ERCC6: variants seen among roughly 807,000 people sequenced by gnomAD.
ERCC6 encodes the protein ERCC excision repair 6, chromatin remodeling factor.
ERCC6 carries 116 observed loss-of-function variants against 158.7 expected under a neutral mutation model. The observed-to-expected ratio is 0.73, with a 90% CI of 0.63 to 0.85. The LOEUF (loss-of-function observed/expected upper bound fraction) is 0.85, where lower values mean the gene tolerates loss of function less well. Among genes scored for constraint, ERCC6 ranks in the 40% least tolerant of loss-of-function variants. The probability of loss-of-function intolerance (pLI) is 0.00; values close to 1 mark genes in which losing one functional copy is unlikely to be tolerated. For synonymous variants in ERCC6, 678 were observed against 659.3 expected (o/e 1.03, Z -0.43); for missense variants, 1,698 against 1,799.4 (o/e 0.94, Z 1.02).
chr10:49,494,694 C>T (rs1253210873), intron 7 of ERCC6, among the ~76,000 whole-genome samples: 2 of 152,198 alleles, frequency 1.3e-5, no homozygotes, highest in Non-Finnish European at 2.9e-5. Flanking sequence ...GTCCATGAAG[C>T]TGGCCTGGCA....
rs186668269 is a variant in ERCC6, at chr10:49,517,177, C to T, written c.1397+6856G>A. 1.1e-4 allele frequency: 169 copies of T among 1,501,684 alleles called. 1 individual carries two copies. In the African/African-American group the frequency reaches 1.9e-3, roughly 17 times the overall value. The allele number at this position is 1,501,684 out of a possible 1,614,324, so 93.0% of individuals were successfully genotyped here. On this transcript the variant is annotated intron_variant, in intron 5 of 20. Transcript: ENST00000355832. The stretch of plus-strand genomic sequence containing the variant: ...AGTGGTAGTGGTTTTGCCTAGTGTT[C>T]CAAAAATGGAACATGAAAAATGTCA...
At chr10:49,524,008 G>GT (rs1564441879) in intron 5 of ERCC6, 25 bp downstream of exon 5, 1 of 1,611,074 alleles carries the variant, frequency 6.2e-7, no homozygotes, top group Non-Finnish European at 8.5e-7. Flanking sequence ...ACAGTACAAT[G>GT]TATTTATAAT....
rs112059539 is a variant in ERCC6 at position 49,458,550 on chromosome 10, T to C, written c.*265A>G. The C allele has an allele frequency of 8.4e-4, 374 of 446,070 alleles. 1 individual carries two copies. Among genetic ancestry groups the C allele is most frequent in the African/African-American group, 6.6e-3 (332 of 50,418 alleles). 27.6% of individuals were successfully genotyped at this position (446,070 alleles called of 1,614,324 possible). A position where few individuals can be genotyped will look rare whatever the true frequency, so the allele number is the denominator to read the frequency against. ...CAAATGTGCTCCAAGGAGTAACTGT[T>C]AGGTACCTGATTTACAATATAATTA... On this transcript the variant is annotated 3_prime_UTR_variant, in exon 21 of 21. Transcript: ENST00000355832.
At chr10:49,451,457 C>T (rs183820189), downstream of ERCC6, among the ~76,000 whole-genome samples, 685 of 152,098 alleles carry the variant, frequency 4.5e-3, 3 homozygotes, top group African/African-American at 0.016. Flanking sequence ...AGTTTCCTTC[C>T]GTTCCTCGTT....
intron 8 of ERCC6, among the ~76,000 whole-genome samples, chr10:49,491,641 G>A (rs2132562747): frequency 6.6e-6 from 1 of 152,358 alleles, no homozygotes; most frequent in Non-Finnish European, 1.5e-5. Flanking sequence ...GTCCATGTAT[G>A]TGGTTTACAC....
intron 8 of ERCC6, 61 bp downstream of exon 8, chr10:49,493,056 C>A: frequency 1.9e-6 from 3 of 1,577,962 alleles, no homozygotes; most frequent in Non-Finnish European, 1.7e-6. Flanking sequence ...CAGAGAAAAA[C>A]CAAATATGTA....
intron 5 of ERCC6, chr10:49,515,860 C>T (rs757725557): frequency 1.2e-6 from 2 of 1,614,186 alleles, no homozygotes; most frequent in South Asian, 2.2e-5. Flanking sequence ...GCAACAGTGA[C>T]AACACTGTTA....
rs1340259001 is a variant in ERCC6, at chr10:49,515,637, A to C, written c.1397+8396T>G. 1.9e-6 allele frequency: 3 copies of C among 1,614,134 alleles called. No individual in the cohort carries two copies. In the South Asian group the frequency reaches 3.3e-5, roughly 18 times the overall value. ...CAATTGCCAAGCATTTTGTAAGACC[A>C]GTTCGAAACAGAACAAAAGAGGGCT... On this transcript the variant is annotated intron_variant, in intron 5 of 20. Coordinates refer to ENST00000355832, the MANE Select transcript of ERCC6 (RefSeq NM_000124.4).
intron 5 of ERCC6, among the ~76,000 whole-genome samples, chr10:49,506,890 C>G (rs549361892): frequency 3.3e-5 from 5 of 151,410 alleles, no homozygotes; most frequent in African/African-American, 9.7e-5. Flanking sequence ...AACTGATGCT[C>G]TGAATTTCAC....
intron 3 of ERCC6, among the ~76,000 whole-genome samples, chr10:49,530,254 T>A (rs907030597): frequency 6.6e-6 from 1 of 152,174 alleles, no homozygotes; most frequent in Admixed American, 6.5e-5. Context: ...ACACAGATGG[T>A]CTCCAACTTA....
At chr10:49,441,894 G>A in the ERCC6 span, among the ~76,000 whole-genome samples, 3 of 152,216 alleles carry the variant, frequency 2.0e-5, no homozygotes, top group Admixed American at 6.5e-5. Flanking sequence ...ACAAAAGCAG[G>A]CGGGAGAAAG....
At chr10:49,488,070 G>C (rs531329516) in intron 8 of ERCC6, 1 of 161,578 alleles carries the variant, frequency 6.2e-6, no homozygotes, top group South Asian at 1.9e-4. Flanking sequence ...AATCATCTCG[G>C]GCGGTTTCAA....
intron 7 of ERCC6, among the ~76,000 whole-genome samples, chr10:49,497,128 G>A (rs1042234882): frequency 3.3e-5 from 5 of 152,202 alleles, no homozygotes; most frequent in Non-Finnish European, 7.3e-5. Context: ...TCTTCCTACA[G>A]AGTTTCTAAG....
intron 20 of ERCC6, 159 bp downstream of exon 20, chr10:49,460,214 C>G: frequency 1.5e-6 from 1 of 674,552 alleles, no homozygotes; most frequent in South Asian, 1.6e-5. Context: ...CTTTTAGATT[C>G]AAGTGAATGT....
rs1404428020 is a variant in ERCC6, at chr10:49,500,686, T to C, written c.1537A>G (p.Thr513Ala). 1.2e-6 allele frequency: 2 copies of C among 1,613,658 alleles called. No individual in the cohort carries two copies. The highest frequency in any genetic ancestry group is 4.5e-5 in the East Asian group (2 of 44,888). ...LFKKLFKYQQ[T>A]GVRWLWELHC... is the part of the protein sequence containing the mutation. ...AATTCCCACAGCCACCTAACACCTG[T>C]CTGCTGGTACCTATGACAACAAACA... Residue 513 changes from threonine (T) to alanine (A), a missense_variant, in exon 7 of 21, where the codon ACA becomes GCA. By Grantham distance (58) the Thr-to-Ala change is moderately conservative. Transcript: ENST00000355832.
In ERCC6 at chr10:49,500,522, G is replaced by T; in HGVS notation, c.1685+16C>A. 6.2e-7 allele frequency: 1 copy of T among 1,613,058 alleles called. No homozygotes were observed. Reference sequence around the variant, plus strand: ...ATTGAGCTCCACAGACTGACAGTCTGCAGAGGAGCACTTGCCTGTAATTTG... The same window carrying T: ...ATTGAGCTCCACAGACTGACAGTCTTCAGAGGAGCACTTGCCTGTAATTTG... On this transcript the variant is annotated intron_variant, in intron 7 of 20. Transcript: ENST00000355832.
In ERCC6 at chr10:49,483,418, C is replaced by A. The variant is rs1210099678; in HGVS notation, c.1920G>T (p.Trp640Cys). Residue 640 changes from tryptophan (W) to cysteine (C), a missense_variant, in exon 9 of 21, where the codon TGG (tryptophan) becomes TGT (cysteine). Transcript: ENST00000355832. ...GTCCTTCGTCCAAGATCACATAGTG[C>A]CAGTCATACCTGCTAATGTCATCCT... is the stretch of plus-strand genomic sequence containing the variant. ...LMQDDISRYD[W>C]HYVILDEGHK... is the part of the protein sequence containing the mutation. 1 of 1,614,142 alleles carries A rather than the reference C, an allele frequency of 6.2e-7. No homozygotes were observed. Among genetic ancestry groups the A allele is most frequent in the Admixed American group, 1.7e-5 (1 of 60,032 alleles).
chr10:49,510,464 C>T (rs1328858087), intron 5 of ERCC6, among the ~76,000 whole-genome samples: 1 of 152,136 alleles, frequency 6.6e-6, no homozygotes, highest in African/African-American at 2.4e-5. Flanking sequence ...TCATGCAGCA[C>T]CACCATGCAC....
chr10:49,530,500 G>A (rs1837444480), intron 3 of ERCC6, among the ~76,000 whole-genome samples: 1 of 152,182 alleles, frequency 6.6e-6, no homozygotes, highest in Non-Finnish European at 1.5e-5. Context: ...GTATGGATGT[G>A]TGTGTCTATG....
Sources: gnomAD v4.1 joint callset for allele counts (sites outside exome capture counted in the v4.1 genomes callset) on GRCh38, gnomAD v4.1.1 for gene constraint, MANE v1.5 for transcripts, NCBI Gene and HGNC (gene_info 2026-07-23, HGNC 2026-07-21) for gene names.